ITPR1: variants seen among roughly 807,000 people sequenced by gnomAD.
ITPR1 encodes the protein inositol 1,4,5-trisphosphate receptor type 1.
Under a neutral mutation model 318.4 loss-of-function variants are expected in ITPR1, and 96 were observed. That is an observed-to-expected ratio of 0.30 (90% confidence interval 0.26 to 0.36). ITPR1 has a LOEUF of 0.36. Ranked by LOEUF, ITPR1 falls within the 10% of genes least tolerant of loss-of-function variation. The pLI is 1.00. For missense variants in ITPR1, 2,440 were observed against 3,460.2 expected (o/e 0.71, Z 7.40); for synonymous variants, 1,312 against 1,289.9 (o/e 1.02, Z -0.37).
intron 4 of ITPR1, among the ~76,000 whole-genome samples, chr3:4,604,018 A>T (rs751824710): frequency 2.6e-5 from 4 of 152,162 alleles, no homozygotes; most frequent in Non-Finnish European, 1.5e-5. Context: ...TTTAATAGCT[A>T]TTCTGACTGA....
chr3:4,664,412 G>A (rs1282443035), intron 16 of ITPR1, among the ~76,000 whole-genome samples: 1 of 152,206 alleles, frequency 6.6e-6, no homozygotes, highest in Non-Finnish European at 1.5e-5. Context: ...GGAATTCCTG[G>A]CCACCAAAGC....
chr3:4,580,150 C>A (rs912586264), intron 4 of ITPR1, among the ~76,000 whole-genome samples: 1 of 151,986 alleles, frequency 6.6e-6, no homozygotes, highest in African/African-American at 2.4e-5. Context: ...GCGGAGCTTG[C>A]AGTGAGCCGA....
chr3:4,620,070 C>G (rs2125115042), intron 4 of ITPR1, among the ~76,000 whole-genome samples: 1 of 152,068 alleles, frequency 6.6e-6, no homozygotes, highest in Non-Finnish European at 1.5e-5. Context: ...AAAAACCACT[C>G]TGAGTTTGTG....
chr3:4,674,133 A>G (rs2094140828), intron 21 of ITPR1, 69 bp from the exon 22 acceptor site: 2 of 1,303,740 alleles, frequency 1.5e-6, no homozygotes, highest in Non-Finnish European at 2.1e-6. Flanking sequence ...TTTGAAGCTG[A>G]GTGACCCAGG....
intron 4 of ITPR1, among the ~76,000 whole-genome samples, chr3:4,539,303 A>C (rs2084186237): frequency 6.6e-6 from 1 of 152,160 alleles, no homozygotes. Context: ...TTGTTTTATC[A>C]GTCCTTTACA....
intron 5 of ITPR1, among the ~76,000 whole-genome samples, chr3:4,629,184 G>C (rs551964840): frequency 6.6e-6 from 1 of 152,222 alleles, no homozygotes; most frequent in Non-Finnish European, 1.5e-5. Flanking sequence ...CTGGCCGTAT[G>C]AGCTTTATTT....
intron 44 of ITPR1, among the ~76,000 whole-genome samples, chr3:4,761,414 A>T (rs2045439042): frequency 6.6e-6 from 1 of 152,210 alleles, no homozygotes; most frequent in Non-Finnish European, 1.5e-5. Flanking sequence ...CCCCAGCTGC[A>T]TCCATTTTGC....
chr3:4,775,393 C>A lies in ITPR1; in HGVS notation c.6131C>A (p.Thr2044Asn). The change falls in exon 47 of 62, where the codon ACC becomes AAC. Residue 2044 changes from threonine (T) to asparagine (N), a missense_variant. Thr to Asn is a moderately conservative substitution (Grantham distance 65). Coordinates refer to ENST00000649015, the MANE Select transcript of ITPR1 (RefSeq NM_001378452.1). ...AAGAATGTAGCGCTTATCAACCAAA[C>A]CCTGGAAAGTCTGACCGAATACTGT... Reference protein sequence around the residue: ...NEKNVALINQTLESLTEYCQG... With the variant: ...NEKNVALINQNLESLTEYCQG... 1 of 1,613,868 alleles carries A rather than the reference C, an allele frequency of 6.2e-7. No homozygotes were observed. Among genetic ancestry groups the A allele is most frequent in the Admixed American group, 1.7e-5 (1 of 60,028 alleles).
intron 32 of ITPR1, 26 bp downstream of exon 32, chr3:4,691,370 C>T (rs1192286822): frequency 1.4e-6 from 2 of 1,472,662 alleles, no homozygotes; most frequent in South Asian, 1.2e-5. Flanking sequence ...TTCTGTATAC[C>T]TCCATCTGGT....
intron 4 of ITPR1, among the ~76,000 whole-genome samples, chr3:4,580,471 C>A (rs2089214560): frequency 6.6e-6 from 1 of 152,124 alleles, no homozygotes; most frequent in South Asian, 2.1e-4. Flanking sequence ...GTAAGAACTG[C>A]CAAGCCAATT....
At chr3:4,814,583 AG>A in intron 58 of ITPR1, 21 bp downstream of exon 58, 3 of 1,012,722 alleles carry the variant, frequency 3.0e-6, no homozygotes, top group Admixed American at 2.0e-5. Context: ...CCCGAGGGGA[AG>A]GAAGGGCAAA....
chr3:4,673,890 ATTTTTTATATC>A (rs1010093306), intron 21 of ITPR1, among the ~76,000 whole-genome samples: 2 of 152,078 alleles, frequency 1.3e-5, no homozygotes, highest in African/African-American at 4.8e-5. Flanking sequence ...CCCCGATTGT[ATTTTTTATATC>A]TCATTTATCT....
At chr3:4,611,517 G>A (rs974801370) in intron 4 of ITPR1, among the ~76,000 whole-genome samples, 6 of 151,572 alleles carry the variant, frequency 4.0e-5, no homozygotes, top group African/African-American at 1.5e-4. Flanking sequence ...CCGAGATCAC[G>A]CCACTGTACG....
At chr3:4,666,130 A>G (rs950891613) in intron 17 of ITPR1, among the ~76,000 whole-genome samples, 1 of 152,192 alleles carries the variant, frequency 6.6e-6, no homozygotes, top group African/African-American at 2.4e-5. Context: ...GGCATGCAAA[A>G]TGATGCTTAT....
chr3:4,782,119 T>C (rs1022210186), intron 49 of ITPR1, among the ~76,000 whole-genome samples: 1 of 152,256 alleles, frequency 6.6e-6, no homozygotes, highest in Non-Finnish European at 1.5e-5. Context: ...GTGCTGTTAT[T>C]TTCATTTGGA....
intron 4 of ITPR1, among the ~76,000 whole-genome samples, chr3:4,606,343 G>A (rs919880348): frequency 1.3e-5 from 2 of 152,076 alleles, no homozygotes; most frequent in African/African-American, 4.8e-5. Flanking sequence ...GGGTGTCCCA[G>A]GTAGAAAATG....
Position 4,644,354 on chromosome 3 carries a change from C to G in ITPR1, c.624+120C>G, listed in dbSNP as rs2093407261. Reference sequence around the variant, plus strand: ...AGTGACTTGGGGCAGGGTGCCCATTCTGCAGGTGAAGAAACAGGCCCAGGG... The same window carrying G: ...AGTGACTTGGGGCAGGGTGCCCATTGTGCAGGTGAAGAAACAGGCCCAGGG... On this transcript the variant is annotated intron_variant, in intron 8 of 61. Coordinates refer to ENST00000649015, the MANE Select transcript of ITPR1 (RefSeq NM_001378452.1). 4.5e-6 allele frequency: 3 copies of G among 661,404 alleles called. No homozygotes were observed. The Admixed American group carries it at 7.6e-5, about 17-fold the overall frequency. 41.0% of individuals were successfully genotyped at this position (661,404 alleles called of 1,614,324 possible).
chr3:4,647,817 T>TA (rs889837623), intron 10 of ITPR1, among the ~76,000 whole-genome samples: 6 of 152,300 alleles, frequency 3.9e-5, no homozygotes, highest in Admixed American at 2.0e-4. Flanking sequence ...TTTGCCCATT[T>TA]AAAAAAATTG....
intron 4 of ITPR1, among the ~76,000 whole-genome samples, chr3:4,532,677 C>A (rs1344624172): frequency 6.6e-6 from 1 of 152,192 alleles, no homozygotes; most frequent in African/African-American, 2.4e-5. Context: ...TGCCGAGATT[C>A]TACATTTCTA....
Sources: gnomAD v4.1 joint callset for allele counts (sites outside exome capture counted in the v4.1 genomes callset) on GRCh38, gnomAD v4.1.1 for gene constraint, MANE v1.5 for transcripts, NCBI Gene and HGNC (gene_info 2026-07-23, HGNC 2026-07-21) for gene names.